The following HDAC9 variants were observed in gnomAD, a reference collection of about 807,000 sequenced individuals.
The protein encoded by HDAC9 is histone deacetylase 9, also known as MEF-2 interacting transcription repressor (MITR) protein.
A neutral mutation model predicts 139.4 loss-of-function variants in HDAC9; 41 were observed. The observed-to-expected ratio is 0.29, with a 90% CI of 0.23 to 0.38. The LOEUF is 0.38. Ranked by LOEUF, HDAC9 falls within the 10% of genes least tolerant of loss-of-function variation. HDAC9 has a pLI of 1.00. For missense variants in HDAC9, 1,147 were observed against 1,297.0 expected (o/e 0.88, Z 1.78); for synonymous variants, 517 against 476.2 (o/e 1.09, Z -1.12).
chr7:18,282,331 G>A (rs1028635372), intron 2 of HDAC9, among the ~76,000 whole-genome samples: 8 of 152,110 alleles, frequency 5.3e-5, no homozygotes, highest in Admixed American at 4.6e-4. Context: ...AGTCCAGAAA[G>A]TTTAATAACA....
At chr7:18,632,965 TAC>T (rs1562666778) in intron 7 of HDAC9, among the ~76,000 whole-genome samples, 1 of 152,040 alleles carries the variant, frequency 6.6e-6, no homozygotes, top group Non-Finnish European at 1.5e-5. Flanking sequence ...TTAAAATACA[TAC>T]ATTGAGTTTT....
chr7:18,246,472 AC>A lies in HDAC9; in HGVS notation c.25+84127del, dbSNP rs1474064448. On this transcript the variant is annotated intron_variant, in intron 2 of 12. Coordinates refer to the HDAC9 transcript ENST00000417496. ...TGCCTAGTTCCAGAACATTTTTATC[AC>A]CCCAAAGGAGAACCCATATTCACTA... Among the ~76,000 whole-genome samples the A allele has an allele frequency of 3.3e-5, 5 of 151,986 alleles. No homozygotes were observed. The East Asian group carries it at 5.8e-4, about 18-fold the overall frequency.
intron 2 of HDAC9, among the ~76,000 whole-genome samples, chr7:18,582,583 A>T (rs1828163440): frequency 1.3e-5 from 2 of 152,204 alleles, no homozygotes; most frequent in African/African-American, 4.8e-5. Context: ...AACTTTTTTA[A>T]TGTTCCCACA....
chr7:18,569,159 C>T (rs1407788135), intron 2 of HDAC9, among the ~76,000 whole-genome samples: 1 of 152,118 alleles, frequency 6.6e-6, no homozygotes, highest in Non-Finnish European at 1.5e-5. Context: ...ATTTTGCAGC[C>T]TGTACTATCT....
chr7:18,807,275 C>T (rs1793786508), intron 17 of HDAC9, among the ~76,000 whole-genome samples: 1 of 152,068 alleles, frequency 6.6e-6, no homozygotes, highest in Non-Finnish European at 1.5e-5. Flanking sequence ...CTTTTTATTT[C>T]TGTGGTATCA....
intron 24 of HDAC9, among the ~76,000 whole-genome samples, chr7:18,957,828 C>T (rs1783262402): frequency 6.6e-6 from 1 of 152,102 alleles, no homozygotes; most frequent in African/African-American, 2.4e-5. Context: ...GATTTCAGCC[C>T]ACCTTCTAGC....
chr7:18,286,223 T>A (rs565316468), upstream of HDAC9, among the ~76,000 whole-genome samples: 141 of 152,076 alleles, frequency 9.3e-4, no homozygotes, highest in African/African-American at 3.2e-3. Context: ...ATAAGCACCG[T>A]GCATGACCAT....
intron 2 of HDAC9, among the ~76,000 whole-genome samples, chr7:18,197,638 G>A (rs1009240811): frequency 1.1e-4 from 16 of 152,154 alleles, no homozygotes; most frequent in African/African-American, 3.9e-4. Context: ...GGCTAGAGGA[G>A]AAAGATGAGC....
At chr7:18,212,259 A>G (rs1919315) in intron 2 of HDAC9, among the ~76,000 whole-genome samples, 44,535 of 152,022 alleles carry the variant, frequency 0.29, 6,988 homozygotes, top group South Asian at 0.41. Context: ...ACAAATCTGT[A>G]TTGTTATTCA....
chr7:18,630,270 A>C (rs1781927841), intron 7 of HDAC9, among the ~76,000 whole-genome samples: 1 of 152,094 alleles, frequency 6.6e-6, no homozygotes, highest in Non-Finnish European at 1.5e-5. Flanking sequence ...TGCATGAAGA[A>C]AGAAGTGGTA....
intron 12 of HDAC9, among the ~76,000 whole-genome samples, chr7:18,725,813 C>G (rs2129127620): frequency 6.6e-6 from 1 of 152,218 alleles, no homozygotes; most frequent in South Asian, 2.1e-4. Context: ...CTGCTGTGTC[C>G]TCAGAACACT....
chr7:18,691,712 T>G (rs1213179415), intron 12 of HDAC9, among the ~76,000 whole-genome samples: 7 of 152,074 alleles, frequency 4.6e-5, no homozygotes, highest in Non-Finnish European at 7.4e-5. Flanking sequence ...GGCAGTCCTT[T>G]AGAATGGATA....
intron 21 of HDAC9, among the ~76,000 whole-genome samples, chr7:18,867,880 G>A (rs1425099551): frequency 6.6e-6 from 1 of 151,810 alleles, no homozygotes. Context: ...TTCCTCTTCT[G>A]GGCGATTTCT....
rs76976488 is a variant in HDAC9 at position 18,177,981 on chromosome 7, A to G, written c.25+15632A>G. ...AATCATATCCCTTTTCTTTTTGCTT[A>G]TTCATTTGTTGACTTTCGGTTCTTT... On this transcript the variant is annotated intron_variant, in intron 2 of 12. Transcript: ENST00000417496. Among the ~76,000 whole-genome samples the G allele has an allele frequency of 9.5e-3, 1,440 of 152,044 alleles. 22 individuals are homozygous for G. Among genetic ancestry groups the G allele is most frequent in the African/African-American group, 0.033 (1,365 of 41,416 alleles).
Position 18,647,777 on chromosome 7 carries a change from C to T in HDAC9, c.1036-8C>T, listed in dbSNP as rs747111159. The stretch of plus-strand genomic sequence containing the variant: ...GAGGATTAACATCTTTGTTATTTCT[C>T]AACACAGGCTTCGAATTCACTCAAA... On this transcript the variant is annotated splice_polypyrimidine_tract_variant and splice_region_variant and intron_variant, in intron 9 of 25. Coordinates refer to ENST00000686413, the MANE Select transcript of HDAC9 (RefSeq NM_178425.4). 4.4e-6 allele frequency: 7 copies of T among 1,597,690 alleles called. No individual in the cohort carries two copies. In the Admixed American group the frequency reaches 1.0e-4, roughly 24 times the overall value.
At chr7:18,278,873 A>G (rs551165964) in intron 2 of HDAC9, among the ~76,000 whole-genome samples, 1 of 152,184 alleles carries the variant, frequency 6.6e-6, no homozygotes, top group Non-Finnish European at 1.5e-5. Flanking sequence ...TTTCTTTTCT[A>G]TTGAATATTC....
chr7:18,687,272 C>T (rs752864668), intron 12 of HDAC9, among the ~76,000 whole-genome samples: 1 of 151,698 alleles, frequency 6.6e-6, no homozygotes, highest in East Asian at 1.9e-4. Context: ...ATAGTACAAC[C>T]GATTTAAGTA....
Position 18,821,920 on chromosome 7 carries a change from A to G in HDAC9, c.2323-7241A>G, listed in dbSNP as rs192573539. Among the ~76,000 whole-genome samples, 813 of 152,314 alleles carry G rather than the reference A, an allele frequency of 5.3e-3. 11 individuals carry two copies. The highest frequency in any genetic ancestry group is 0.015 in the African/African-American group (610 of 41,552). On this transcript the variant is annotated intron_variant, in intron 17 of 25. Coordinates refer to ENST00000686413, the MANE Select transcript of HDAC9 (RefSeq NM_178425.4). ...TTACCTACTAGATTACTGTTTTACTATGAGAGACACAACTCAGGAACAGCC... is the reference window on the plus strand; with the variant it reads ...TTACCTACTAGATTACTGTTTTACTGTGAGAGACACAACTCAGGAACAGCC...
chr7:18,818,825 T>C (rs1246009495), intron 17 of HDAC9, among the ~76,000 whole-genome samples: 2 of 152,316 alleles, frequency 1.3e-5, no homozygotes, highest in East Asian at 3.9e-4. Flanking sequence ...CAAATACTAT[T>C]TGGCTATGGG....
Sources: gnomAD v4.1 joint callset for allele counts (sites outside exome capture counted in the v4.1 genomes callset) on GRCh38, gnomAD v4.1.1 for gene constraint, MANE v1.5 for transcripts, NCBI Gene and HGNC (gene_info 2026-07-23, HGNC 2026-07-21) for gene names.